NTM: variants seen among roughly 807,000 people sequenced by gnomAD.
NTM encodes IgLON family member 2.
NTM carries 13 observed loss-of-function variants against 42.1 expected under a neutral mutation model. The observed-to-expected ratio is 0.31, with a 90% CI of 0.20 to 0.49. The LOEUF (loss-of-function observed/expected upper bound fraction) is 0.49, where lower values mean the gene tolerates loss of function less well. Among genes scored for constraint, NTM ranks in the 20% least tolerant of loss-of-function variants. The probability of loss-of-function intolerance (pLI) is 0.99; values close to 1 mark genes in which losing one functional copy is unlikely to be tolerated. For synonymous variants in NTM, 187 were observed against 179.2 expected (o/e 1.04, Z -0.35); for missense variants, 373 against 452.8 (o/e 0.82, Z 1.60).
At chr11:131,499,473 C>T (rs1156618618) in intron 1 of NTM, among the ~76,000 whole-genome samples, 1 of 152,214 alleles carries the variant, frequency 6.6e-6, no homozygotes, top group African/African-American at 2.4e-5. Flanking sequence ...CTTCAACTGC[C>T]TGCAGAAGGT....
At chr11:131,624,380 A>T (rs551197158) in intron 1 of NTM, among the ~76,000 whole-genome samples, 1 of 152,314 alleles carries the variant, frequency 6.6e-6, no homozygotes, top group Admixed American at 6.5e-5. Context: ...CCTCATCTGT[A>T]GAACGGGCAC....
chr11:131,631,688 A>G (rs2063676155), intron 1 of NTM, among the ~76,000 whole-genome samples: 1 of 152,146 alleles, frequency 6.6e-6, no homozygotes, highest in Admixed American at 6.5e-5. Flanking sequence ...TTAAATGTTA[A>G]TGCATTAAAA....
chr11:132,156,759 C>G (rs1468515946), intron 3 of NTM, among the ~76,000 whole-genome samples: 10 of 152,034 alleles, frequency 6.6e-5, no homozygotes. Context: ...ATCCCTGGAA[C>G]CCAAAAATAT....
At chr11:131,690,704 C>T (rs1349187736) in intron 1 of NTM, among the ~76,000 whole-genome samples, 1 of 152,190 alleles carries the variant, frequency 6.6e-6, no homozygotes, top group Non-Finnish European at 1.5e-5. Context: ...GCCTGGGGTC[C>T]AAGGAAGGCA....
At chr11:131,794,197 T>TG (rs2091288757) in intron 1 of NTM, among the ~76,000 whole-genome samples, 1 of 152,174 alleles carries the variant, frequency 6.6e-6, no homozygotes, top group South Asian at 2.1e-4. Context: ...GTGCAGGGCC[T>TG]GTCTCGCACC....
chr11:131,528,846 C>T (rs1369729323), intron 1 of NTM, among the ~76,000 whole-genome samples: 1 of 152,220 alleles, frequency 6.6e-6, no homozygotes. Context: ...CCTCTCATAG[C>T]ACACTTGATG....
At chr11:131,704,324 A>T (rs789527) in intron 1 of NTM, among the ~76,000 whole-genome samples, 30,558 of 151,978 alleles carry the variant, frequency 0.2, 3,348 homozygotes, top group African/African-American at 0.27. Context: ...GCCCTCACAG[A>T]TCCAGGCACT....
At chr11:132,298,904 A>G (rs1327019707) in intron 4 of NTM, among the ~76,000 whole-genome samples, 2 of 152,224 alleles carry the variant, frequency 1.3e-5, no homozygotes. Flanking sequence ...ACACACACAC[A>G]CACACACGAA....
At chr11:131,866,372 CCCGAGG>C (rs1476552887) in intron 1 of NTM, among the ~76,000 whole-genome samples, 2 of 152,272 alleles carry the variant, frequency 1.3e-5, no homozygotes, top group African/African-American at 4.8e-5. Flanking sequence ...TGTTTTGCAG[CCCGAGG>C]CCTATTTCTC....
At chr11:132,035,709 G>T (rs2076432094) in intron 2 of NTM, among the ~76,000 whole-genome samples, 1 of 152,050 alleles carries the variant, frequency 6.6e-6, no homozygotes. Context: ...CTGTGTGCGT[G>T]AGCCCCATTG....
At chr11:132,040,672 A>G (rs1390695136) in intron 2 of NTM, among the ~76,000 whole-genome samples, 1 of 152,202 alleles carries the variant, frequency 6.6e-6, no homozygotes, top group Non-Finnish European at 1.5e-5. Flanking sequence ...TGTGGACAGG[A>G]CAGTCTATTA....
intron 4 of NTM, among the ~76,000 whole-genome samples, chr11:132,279,445 A>C (rs2093878571): frequency 1.3e-5 from 2 of 152,220 alleles, no homozygotes; most frequent in South Asian, 4.1e-4. Context: ...GATTCTCAGG[A>C]GTATCCTACA....
intron 2 of NTM, among the ~76,000 whole-genome samples, chr11:132,035,972 G>A (rs1275137425): frequency 2.0e-5 from 3 of 152,134 alleles, no homozygotes; most frequent in Non-Finnish European, 2.9e-5. Context: ...GGGAGATAGA[G>A]CTGCATCATT....
intron 6 of NTM, among the ~76,000 whole-genome samples, chr11:132,313,429 C>G (rs2095336478): frequency 6.6e-6 from 1 of 152,176 alleles, no homozygotes; most frequent in Non-Finnish European, 1.5e-5. Context: ...GGAAACTTAG[C>G]TTTGTGTCCA....
intron 1 of NTM, among the ~76,000 whole-genome samples, chr11:131,566,328 C>T (rs558523863): frequency 1.3e-5 from 2 of 152,282 alleles, no homozygotes; most frequent in Non-Finnish European, 2.9e-5. Context: ...AATTCCTTTA[C>T]AAGGATGTAA....
intron 4 of NTM, among the ~76,000 whole-genome samples, chr11:132,299,130 C>T (rs1401868779): frequency 1.4e-5 from 2 of 140,030 alleles, no homozygotes; most frequent in Non-Finnish European, 3.1e-5. Context: ...CCCGTCTCTA[C>T]TGAAAATAAA....
chr11:132,203,995 TC>T (rs2081562624), intron 3 of NTM, among the ~76,000 whole-genome samples: 1 of 152,206 alleles, frequency 6.6e-6, no homozygotes, highest in African/African-American at 2.4e-5. Flanking sequence ...AGTATCGGTA[TC>T]CTCATCTGTA....
At chr11:131,776,031 G>A (rs1214511499) in intron 1 of NTM, among the ~76,000 whole-genome samples, 3 of 152,188 alleles carry the variant, frequency 2.0e-5, no homozygotes, top group Non-Finnish European at 4.4e-5. Flanking sequence ...TGTGGGGCCT[G>A]CTTTATTTCT....
In NTM at chr11:131,973,710, G is replaced by A. The variant is rs140297048; in HGVS notation, c.167+62062G>A. Among the ~76,000 whole-genome samples, 255 of 152,252 alleles carry A rather than the reference G, an allele frequency of 1.7e-3. 1 individual carries two copies. Among genetic ancestry groups the A allele is most frequent in the African/African-American group, 5.7e-3 (237 of 41,550 alleles). ...TGAGCGCCCGTAATCCCAGCTGCTCGGGAGGCCAAGGCAGGAGAATCGCTT... is the reference window on the plus strand; with the variant it reads ...TGAGCGCCCGTAATCCCAGCTGCTCAGGAGGCCAAGGCAGGAGAATCGCTT... On this transcript the variant is annotated intron_variant, in intron 2 of 8. Transcript: ENST00000683400.
Sources: gnomAD v4.1 joint callset for allele counts (sites outside exome capture counted in the v4.1 genomes callset) on GRCh38, gnomAD v4.1.1 for gene constraint, MANE v1.5 for transcripts, NCBI Gene and HGNC (gene_info 2026-07-23, HGNC 2026-07-21) for gene names.